The following DDX42 variants were observed in gnomAD, a reference collection of about 807,000 sequenced individuals.
DDX42 encodes ATP-dependent RNA helicase DDX42.
Under a neutral mutation model 101.5 loss-of-function variants are expected in DDX42, and 22 were observed. The ratio of observed to expected loss-of-function variants is 0.22; its 90% CI spans 0.15 to 0.31. DDX42 has a LOEUF of 0.31. Among genes scored for constraint, DDX42 ranks in the 10% least tolerant of loss-of-function variants. The probability of loss-of-function intolerance (pLI) is 1.00; values close to 1 mark genes in which losing one functional copy is unlikely to be tolerated. For synonymous variants in DDX42, 402 were observed against 401.2 expected (o/e 1.00, Z -0.02); for missense variants, 849 against 1,199.9 (o/e 0.71, Z 4.32).
rs2040014640 is a variant in DDX42, at chr17:63,818,976, A to AC, written c.*581dup. The AC allele has an allele frequency of 6.5e-6, 1 of 152,844 alleles. No homozygotes were observed. Among genetic ancestry groups the AC allele is most frequent in the African/African-American group, 2.4e-5 (1 of 41,372 alleles). The allele number at this position is 152,844 out of a possible 1,614,324, so 9.5% of individuals were successfully genotyped here. On this transcript the variant is annotated 3_prime_UTR_variant, in exon 18 of 18. Coordinates refer to ENST00000389924, the MANE Select transcript of DDX42 (RefSeq NM_203499.3). ...GAGACATGTAGGAAACACCTTTCAG[A>AC]CCCAGGCTCTGAAGATTCCCAGAAG...
intron 1 of DDX42, among the ~76,000 whole-genome samples, chr17:63,777,670 G>A (rs143242783): frequency 6.6e-6 from 1 of 151,380 alleles, no homozygotes; most frequent in Admixed American, 6.6e-5. Context: ...GGATTGTCTC[G>A]ATCTCCTGAC....
In DDX42 at chr17:63,813,269, T is replaced by G; in HGVS notation, c.1717T>G (p.Tyr573Asp). The part of the protein sequence containing the change: ...DIPSIKTVIN[Y>D]DVARDIDTHT... ...TCCTTCAATTAAGACTGTCATTAAC[T>G]ATGATGTGGCACGAGACATTGATAC... The change falls in exon 15 of 18, where the codon TAT becomes GAT. Residue 573 changes from tyrosine (Y) to aspartate (D), a missense_variant. This residue lies in a region of DDX42 where 370 missense variants were observed against 608.8 expected (regional missense o/e 0.61). Transcript: ENST00000389924. 6.2e-7 allele frequency: 1 copy of G among 1,613,868 alleles called. No individual in the cohort carries two copies. Among genetic ancestry groups the G allele is most frequent in the African/African-American group, 1.3e-5 (1 of 75,056 alleles).
chr17:63,804,792 T>C (rs1001103949), intron 6 of DDX42, among the ~76,000 whole-genome samples: 3 of 152,124 alleles, frequency 2.0e-5, no homozygotes, highest in Admixed American at 1.3e-4. Flanking sequence ...GAGGCTGCAG[T>C]GAGCCAGGAT....
intron 4 of DDX42, among the ~76,000 whole-genome samples, chr17:63,798,810 C>G (rs555127271): frequency 6.6e-6 from 1 of 152,218 alleles, no homozygotes; most frequent in South Asian, 2.1e-4. Flanking sequence ...TGCTTCAGTC[C>G]TTTACCAGGG....
At chr17:63,783,110 T>C (rs1178217565) in intron 1 of DDX42, among the ~76,000 whole-genome samples, 8 of 152,136 alleles carry the variant, frequency 5.3e-5, no homozygotes, top group South Asian at 4.1e-4. Context: ...ATGCCTTTGC[T>C]CCCACTCATG....
intron 6 of DDX42, among the ~76,000 whole-genome samples, chr17:63,803,120 CA>C (rs2039793261): frequency 6.6e-6 from 1 of 152,000 alleles, no homozygotes; most frequent in African/African-American, 2.4e-5. Flanking sequence ...TCCAAATGAT[CA>C]ATGTATGACA....
upstream of DDX42, chr17:63,773,940 C>A (rs780134685): frequency 7.2e-5 from 13 of 179,854 alleles, no homozygotes; most frequent in South Asian, 1.9e-4. Context: ...CTGTCCAACC[C>A]GTTTTCTCTT....
At chr17:63,799,123 A>G (rs1467343127) in intron 4 of DDX42, among the ~76,000 whole-genome samples, 1 of 152,202 alleles carries the variant, frequency 6.6e-6, no homozygotes, top group East Asian at 1.9e-4. Flanking sequence ...CCCCATCCCT[A>G]AGGTAACTGC....
At chr17:63,794,527 T>G (rs1010173589) in intron 3 of DDX42, among the ~76,000 whole-genome samples, 1 of 151,896 alleles carries the variant, frequency 6.6e-6, no homozygotes, top group East Asian at 1.9e-4. Context: ...AACCAAAAAC[T>G]ATCACTTTAG....
In DDX42 at chr17:63,774,213, T is replaced by TGGTGGCGGTGGC. The variant is rs1371138737; in HGVS notation, c.-177_-166dup. 2 of 253,654 alleles carry TGGTGGCGGTGGC rather than the reference T, an allele frequency of 7.9e-6. 1 individual carries two copies. Among genetic ancestry groups the TGGTGGCGGTGGC allele is most frequent in the Non-Finnish European group, 1.4e-5 (2 of 146,960 alleles). The allele number at this position is 253,654 out of a possible 1,614,324, so 15.7% of individuals were successfully genotyped here. ...GCAACGGGCCGTGAGGCGGTGGCGG[T>TGGTGGCGGTGGC]GGTGGCGGTGGCGGCGGCGGTGGTG... On this transcript the variant is annotated 5_prime_UTR_variant, in exon 1 of 18. Coordinates refer to ENST00000389924, the MANE Select transcript of DDX42 (RefSeq NM_203499.3).
chr17:63,801,740 C>T (rs2039772873), intron 6 of DDX42, among the ~76,000 whole-genome samples: 1 of 152,132 alleles, frequency 6.6e-6, no homozygotes. Flanking sequence ...CAGATGTGAG[C>T]CACTGCATCC....
chr17:63,818,102 G>A lies in DDX42; in HGVS notation c.2521G>A (p.Gly841Arg). The stretch of plus-strand genomic sequence containing the variant: ...ACGTCACGGAGATGGTGGTCGCCAT[G>A]GAGATGGATACCGCCATCCAGAAAG... ...SPRHGDGGRH[G>R]DGYRHPESSS... is the part of the protein sequence containing the mutation. The change falls in exon 18 of 18, where the codon GGA becomes AGA. Residue 841 changes from glycine to arginine, a missense_variant. Around this residue, in one of 5 missense-constraint regions of DDX42, gnomAD observed 300 missense variants for 304.9 expected, o/e 0.98. Transcript: ENST00000389924. The A allele has an allele frequency of 6.2e-7, 1 of 1,613,918 alleles. No individual in the cohort carries two copies.
In DDX42 at chr17:63,812,010, G is replaced by A. The variant is rs1372683392; in HGVS notation, c.1477G>A (p.Val493Ile). The A allele has an allele frequency of 1.2e-6, 2 of 1,614,084 alleles. No individual in the cohort carries two copies. Among genetic ancestry groups the A allele is most frequent in the East Asian group, 2.2e-5 (1 of 44,894 alleles). ...SKWNWLTRRL[V>I]EFTSSGSVLL... Reference sequence around the variant, plus strand: ...ATGGAACTGGCTTACCCGGCGTCTGGTAGAATTTACCTCTTCAGGGAGTGT... The same window carrying A: ...ATGGAACTGGCTTACCCGGCGTCTGATAGAATTTACCTCTTCAGGGAGTGT... Residue 493 changes from valine to isoleucine, a missense_variant, in exon 14 of 18, where the codon GTA becomes ATA. Physicochemically the swap from Val to Ile is conservative, Grantham distance 29. This residue lies in a region of DDX42 where 370 missense variants were observed against 608.8 expected (regional missense o/e 0.61). Coordinates refer to ENST00000389924, the MANE Select transcript of DDX42 (RefSeq NM_203499.3).
At chr17:63,805,257 C>T in intron 7 of DDX42, 82 bp downstream of exon 7, 3 of 1,485,260 alleles carry the variant, frequency 2.0e-6, no homozygotes, top group East Asian at 2.5e-5. Context: ...AAACTAATAA[C>T]CTTGAATTTC....
At chr17:63,803,260 A>G (rs1176796886) in intron 6 of DDX42, among the ~76,000 whole-genome samples, 1 of 152,182 alleles carries the variant, frequency 6.6e-6, no homozygotes, top group Non-Finnish European at 1.5e-5. Flanking sequence ...CTTTTAGGAA[A>G]TGACCACTTG....
Position 63,817,997 on chromosome 17 carries a change from A to G in DDX42, c.2416A>G (p.Lys806Glu). The change falls in exon 18 of 18, where the codon AAA (lysine) becomes GAA (glutamate). Residue 806 changes from lysine to glutamate, a missense_variant. Physicochemically the swap from Lys to Glu is moderately conservative, Grantham distance 56. Coordinates refer to ENST00000389924, the MANE Select transcript of DDX42 (RefSeq NM_203499.3). ...SREGTGGSNG[K>E]RERYTENRGS... Reference sequence around the variant, plus strand: ...AGAAGGGACTGGGGGCAGCAACGGGAAAAGAGAGAGATATACTGAGAACCG... The same window carrying G: ...AGAAGGGACTGGGGGCAGCAACGGGGAAAGAGAGAGATATACTGAGAACCG... 1 of 1,614,118 alleles carries G rather than the reference A, an allele frequency of 6.2e-7. No individual in the cohort carries two copies. The highest frequency in any genetic ancestry group is 8.5e-7 in the Non-Finnish European group (1 of 1,180,028).
chr17:63,807,931 A>G (rs780667825), intron 9 of DDX42, 31 bp downstream of exon 9: 6 of 1,590,138 alleles, frequency 3.8e-6, no homozygotes, highest in Non-Finnish European at 5.1e-6. Flanking sequence ...GCCTCCTTCC[A>G]TATGTGGACT....
At chr17:63,800,959 CTTTTTCTTTT>C in intron 6 of DDX42, among the ~76,000 whole-genome samples, 2 of 127,230 alleles carry the variant, frequency 1.6e-5, no homozygotes, top group South Asian at 5.2e-4. Context: ...TCCTTTCTTT[CTTTTTCTTTT>C]CTTCTTTCTT....
chr17:63,800,430 G>A (rs780002476), intron 5 of DDX42, 38 bp from the exon 6 acceptor site: 1 of 1,600,718 alleles, frequency 6.2e-7, no homozygotes, highest in Non-Finnish European at 8.5e-7. Flanking sequence ...ATTCTCAATT[G>A]TACTTGGGTG....
Sources: allele counts gnomAD v4.1 joint callset (sites outside exome capture counted in the v4.1 genomes callset), GRCh38; gene constraint gnomAD v4.1.1; regional missense constraint gnomAD v4.1.1; transcripts MANE v1.5; gene names NCBI Gene and HGNC (gene_info 2026-07-23, HGNC 2026-07-21).